The following ZNF385D variants were observed in gnomAD, a reference collection of about 807,000 sequenced individuals.
The protein encoded by ZNF385D is zinc finger protein 385D, also known as zinc finger protein 659.
In ZNF385D, 15 loss-of-function variants were observed where a neutral mutation model predicts 35.8. The observed-to-expected ratio is 0.42, with a 90% CI of 0.28 to 0.64. The LOEUF (loss-of-function observed/expected upper bound fraction) is 0.64, where lower values mean the gene tolerates loss of function less well. Ranked by LOEUF, ZNF385D falls within the 30% of genes least tolerant of loss-of-function variation. The pLI is 0.23. For synonymous variants in ZNF385D, 212 were observed against 186.8 expected (o/e 1.13, Z -1.10); for missense variants, 474 against 494.6 (o/e 0.96, Z 0.39).
At chr3:21,452,275 T>C (rs1320821372) in intron 4 of ZNF385D, among the ~76,000 whole-genome samples, 1 of 152,030 alleles carries the variant, frequency 6.6e-6, no homozygotes, top group African/African-American at 2.4e-5. Context: ...TTAGATCACA[T>C]CACTGTTCTC....
chr3:22,361,744 T>G (rs776424284), intron 2 of ZNF385D, among the ~76,000 whole-genome samples: 7 of 151,960 alleles, frequency 4.6e-5, no homozygotes, highest in Non-Finnish European at 8.8e-5. Context: ...GAGTCAAAAA[T>G]AGTTCACTAT....
intron 2 of ZNF385D, among the ~76,000 whole-genome samples, chr3:22,361,700 G>C (rs1696415483): frequency 6.6e-6 from 1 of 151,994 alleles, no homozygotes; most frequent in African/African-American, 2.4e-5. Context: ...GAAAGAGGAG[G>C]AAACTATTCA....
At chr3:21,512,179 TAGAA>T (rs1707268107) in intron 3 of ZNF385D, among the ~76,000 whole-genome samples, 1 of 147,982 alleles carries the variant, frequency 6.8e-6, no homozygotes, top group Non-Finnish European at 1.5e-5. Flanking sequence ...TACATAGAGA[TAGAA>T]AGTCATATTT....
intron 3 of ZNF385D, among the ~76,000 whole-genome samples, chr3:21,917,792 C>G (rs996391630): frequency 6.6e-6 from 1 of 152,134 alleles, no homozygotes; most frequent in African/African-American, 2.4e-5. Flanking sequence ...AGTGGAGTCT[C>G]TTGACTCAGA....
chr3:21,436,648 T>G (rs1408934737), intron 5 of ZNF385D, among the ~76,000 whole-genome samples: 2 of 152,082 alleles, frequency 1.3e-5, no homozygotes, highest in Admixed American at 6.6e-5. Flanking sequence ...GTCATTTAGA[T>G]GCAAATGCAT....
At chr3:21,792,537 T>C (rs368670778) in intron 3 of ZNF385D, among the ~76,000 whole-genome samples, 13 of 152,224 alleles carry the variant, frequency 8.5e-5, no homozygotes, top group African/African-American at 3.1e-4. Context: ...AGTTAGTAGC[T>C]GGCTCTTTAG....
intron 3 of ZNF385D, among the ~76,000 whole-genome samples, chr3:21,532,160 C>T (rs1559378561): frequency 6.6e-6 from 1 of 152,092 alleles, no homozygotes; most frequent in Non-Finnish European, 1.5e-5. Context: ...ATGTCAAGGG[C>T]TGCTGCAATC....
chr3:22,180,198 A>C (rs1377588531), intron 2 of ZNF385D, among the ~76,000 whole-genome samples: 3 of 152,232 alleles, frequency 2.0e-5, no homozygotes, highest in African/African-American at 4.8e-5. Context: ...GAAATGGATA[A>C]ATTCCTCGAC....
intron 2 of ZNF385D, among the ~76,000 whole-genome samples, chr3:21,610,584 C>G (rs1011559854): frequency 6.6e-6 from 1 of 151,922 alleles, no homozygotes; most frequent in African/African-American, 2.4e-5. Flanking sequence ...TCCTGGCTGA[C>G]ACGGTGAAAC....
chr3:21,699,098 T>C (rs1428114279), intron 1 of ZNF385D, among the ~76,000 whole-genome samples: 1 of 152,136 alleles, frequency 6.6e-6, no homozygotes, highest in Non-Finnish European at 1.5e-5. Context: ...CAAATGTCCA[T>C]CAATGATAGA....
intron 3 of ZNF385D, among the ~76,000 whole-genome samples, chr3:22,135,108 C>T (rs1459220195): frequency 1.3e-5 from 2 of 152,080 alleles, no homozygotes; most frequent in African/African-American, 4.8e-5. Flanking sequence ...TTTTCCCAGT[C>T]CTATTCAACA....
chr3:21,494,697 G>A (rs774053011), intron 4 of ZNF385D, among the ~76,000 whole-genome samples: 4 of 151,994 alleles, frequency 2.6e-5, no homozygotes, highest in Non-Finnish European at 5.9e-5. Context: ...ATCTTTACAA[G>A]CCTCTAGCAC....
At chr3:22,241,911 T>C (rs532296978) in intron 2 of ZNF385D, among the ~76,000 whole-genome samples, 6 of 150,874 alleles carry the variant, frequency 4.0e-5, no homozygotes, top group Non-Finnish European at 7.4e-5. Flanking sequence ...GTACTATTTA[T>C]TGTAAAGGAG....
intron 4 of ZNF385D, among the ~76,000 whole-genome samples, chr3:21,497,987 C>T (rs1333378852): frequency 1.3e-5 from 2 of 152,096 alleles, no homozygotes; most frequent in Non-Finnish European, 2.9e-5. Context: ...CCTACAGTAA[C>T]CAAAACAGCA....
chr3:21,889,830 T>C (rs1031850540), intron 3 of ZNF385D, among the ~76,000 whole-genome samples: 1 of 152,162 alleles, frequency 6.6e-6, no homozygotes, highest in Non-Finnish European at 1.5e-5. Context: ...GTCAGCAGGA[T>C]CAAGCCCCCT....
intron 3 of ZNF385D, among the ~76,000 whole-genome samples, chr3:22,102,746 G>C (rs779188): frequency 0.13 from 19,650 of 151,984 alleles, 1,616 homozygotes; most frequent in Middle Eastern, 0.22. Flanking sequence ...CTAGCTACAA[G>C]ATTAAAGAAA....
At chr3:21,850,552 C>A (rs886757458) in intron 3 of ZNF385D, among the ~76,000 whole-genome samples, 1 of 152,128 alleles carries the variant, frequency 6.6e-6, no homozygotes, top group Non-Finnish European at 1.5e-5. Flanking sequence ...TTTCCTTGAG[C>A]ATTTGGCTGA....
chr3:22,023,129 C>T (rs1293012464), intron 3 of ZNF385D, among the ~76,000 whole-genome samples: 2 of 152,248 alleles, frequency 1.3e-5, no homozygotes, highest in Middle Eastern at 3.4e-3. Context: ...TTATGGAGGG[C>T]ACAGAATCAC....
At chr3:22,195,359 C>A (rs1004923378) in intron 2 of ZNF385D, among the ~76,000 whole-genome samples, 1 of 151,846 alleles carries the variant, frequency 6.6e-6, no homozygotes, top group Non-Finnish European at 1.5e-5. Context: ...AGATTACGTA[C>A]CCACACATAC....
Sources: gnomAD v4.1 joint callset for allele counts (sites outside exome capture counted in the v4.1 genomes callset) on GRCh38, gnomAD v4.1.1 for gene constraint, MANE v1.5 for transcripts, NCBI Gene and HGNC (gene_info 2026-07-23, HGNC 2026-07-21) for gene names.